CTPS2: variants seen among roughly 807,000 people sequenced by gnomAD.
The protein encoded by CTPS2 is CTP synthase 2, also known as CTP synthase II.
A neutral mutation model predicts 46.8 loss-of-function variants in CTPS2; 19 were observed. The ratio of observed to expected loss-of-function variants is 0.41; its 90% CI spans 0.28 to 0.60. CTPS2 has a LOEUF of 0.60. Ranked by LOEUF, CTPS2 falls within the 20% of genes least tolerant of loss-of-function variation. CTPS2 has a pLI of 0.35. For missense variants in CTPS2, 286 were observed against 447.6 expected, an observed-to-expected ratio of 0.64 and a Z score of 3.26; for synonymous variants, 151 against 165.2, an observed-to-expected ratio of 0.91 and a Z score of 0.66.
intron 13 of CTPS2, among the ~76,000 whole-genome samples, chrX:16,648,180 G>GA (rs753350052): frequency 8.9e-6 from 1 of 112,127 alleles, no homozygotes; most frequent in East Asian, 2.8e-4. Flanking sequence ...TAATTTGAGA[G>GA]AAAAGATGAT....
chrX:16,698,105 G>C, intron 4 of CTPS2, 131 bp downstream of exon 4: 1 of 495,807 alleles, frequency 2.0e-6, no homozygotes, highest in South Asian at 3.0e-5. Flanking sequence ...GTTGTTTCTT[G>C]CTGTGACCCC....
chrX:16,609,317 A>G (rs935425573), intron 17 of CTPS2, among the ~76,000 whole-genome samples: 2 of 112,150 alleles, frequency 1.8e-5, no homozygotes, highest in African/African-American at 6.5e-5. Flanking sequence ...AATGAAAAAA[A>G]TTTCTAAAAT....
At chrX:16,595,671 C>T (rs1325837920) in intron 17 of CTPS2, among the ~76,000 whole-genome samples, 2 of 111,762 alleles carry the variant, frequency 1.8e-5, no homozygotes, top group Admixed American at 9.5e-5. Flanking sequence ...TTTAAAATTC[C>T]ATTCCTCATT....
At chrX:16,597,221 G>A in intron 17 of CTPS2, among the ~76,000 whole-genome samples, 1 of 111,693 alleles carries the variant, frequency 9.0e-6, no homozygotes, top group Admixed American at 9.5e-5. Flanking sequence ...GTCAATTTTG[G>A]CTTTTGTTGC....
At chrX:16,668,651 TGGAA>T (rs201215209) in intron 11 of CTPS2, among the ~76,000 whole-genome samples, 997 of 66,788 alleles carry the variant, frequency 0.015, 13 homozygotes, top group African/African-American at 0.035. Flanking sequence ...GAAGGAAGGA[TGGAA>T]GGAAGGAAGG....
chrX:16,681,742 T>C (rs1220945263), intron 9 of CTPS2, among the ~76,000 whole-genome samples: 1 of 110,017 alleles, frequency 9.1e-6, no homozygotes, highest in African/African-American at 3.3e-5. Context: ...AGAGATGAGG[T>C]CTCCCATTGT....
At chrX:16,609,735 T>A in intron 16 of CTPS2, 50 bp from the exon 17 acceptor site, 1 of 1,114,447 alleles carries the variant, frequency 9.0e-7, no homozygotes, top group Non-Finnish European at 1.2e-6. Context: ...ACAGGAGAAC[T>A]GCTTTAAAGA....
chrX:16,601,649 AGCTGGAG>A (rs1200869050), intron 17 of CTPS2, among the ~76,000 whole-genome samples: 1 of 110,045 alleles, frequency 9.1e-6, no homozygotes, highest in Non-Finnish European at 1.9e-5. Context: ...GGAGGAAGCA[AGCTGGAG>A]GCAGAGAAAC....
Position 16,651,014 on chromosome X carries a change from C to T in CTPS2, c.1297-11771G>A, listed in dbSNP as rs369636673. 2.5e-5 allele frequency: 30 copies of T among 1,204,752 alleles called. 1 individual carries two copies. Among genetic ancestry groups the T allele is most frequent in the African/African-American group, 2.3e-4 (13 of 57,477 alleles). On this transcript the variant is annotated intron_variant, in intron 13 of 18. Transcript: ENST00000359276. ...AATTTATAAGACACCAGAATGAGTACTAAAAAGTCTCCTGAGGAACTGAAG... is the reference window on the plus strand; with the variant it reads ...AATTTATAAGACACCAGAATGAGTATTAAAAAGTCTCCTGAGGAACTGAAG...
chrX:16,689,415 TATTAAAG>T (rs757249586), intron 8 of CTPS2, 28 bp downstream of exon 8: 3 of 1,189,876 alleles, frequency 2.5e-6, no homozygotes, highest in Non-Finnish European at 3.4e-6. Context: ...ACTCAAAAAT[TATTAAAG>T]ATTATACAAG....
intron 3 of CTPS2, 100 bp downstream of exon 3, chrX:16,698,823 T>G (rs936558894): frequency 1.2e-6 from 1 of 803,914 alleles, no homozygotes; most frequent in African/African-American, 2.1e-5. Flanking sequence ...AGTGCTGGGA[T>G]TACAGGCCTG....
chrX:16,668,261 A>G (rs918744954), intron 11 of CTPS2, among the ~76,000 whole-genome samples: 5 of 107,474 alleles, frequency 4.7e-5, no homozygotes, highest in Non-Finnish European at 9.6e-5. Flanking sequence ...GAAGGAAAGA[A>G]AGAGAAGAAA....
intron 9 of CTPS2, among the ~76,000 whole-genome samples, chrX:16,682,426 G>A (rs147789892): frequency 2.2e-3 from 247 of 112,046 alleles, no homozygotes; most frequent in African/African-American, 7.4e-3. Flanking sequence ...CAGAGGTTGC[G>A]GTGGGCCGAG....
At chrX:16,598,336 G>T (rs775807818) in intron 17 of CTPS2, among the ~76,000 whole-genome samples, 2 of 111,207 alleles carry the variant, frequency 1.8e-5, no homozygotes, top group African/African-American at 3.3e-5. Context: ...AAAAAAGAGA[G>T]AAGAATCAAA....
intron 13 of CTPS2, among the ~76,000 whole-genome samples, chrX:16,661,438 T>A (rs911158250): frequency 3.6e-5 from 4 of 112,259 alleles, no homozygotes; most frequent in African/African-American, 9.7e-5. Flanking sequence ...AAGTGGGCCA[T>A]CTGGTTTGTT....
At chrX:16,611,051 G>A (rs905697514) in intron 16 of CTPS2, among the ~76,000 whole-genome samples, 1 of 112,018 alleles carries the variant, frequency 8.9e-6, no homozygotes, top group Non-Finnish European at 1.9e-5. Context: ...AGGAAGGAAA[G>A]GGGAGTGCAA....
chrX:16,664,043 A>C lies in CTPS2; in HGVS notation c.1296+3471T>G, dbSNP rs140600978. Among the ~76,000 whole-genome samples, 9 of 111,350 alleles carry C rather than the reference A, an allele frequency of 8.1e-5. No individual in the cohort carries two copies. The Admixed American group carries it at 8.6e-4, about 11-fold the overall frequency. On this transcript the variant is annotated intron_variant, in intron 13 of 18. Transcript: ENST00000359276. The stretch of plus-strand genomic sequence containing the variant: ...AGTAGAGACAAAGTTTCACCATGTT[A>C]GCCAGGATGGTCTTGATCTCCTGAC...
rs1489201435 is a variant in CTPS2, at chrX:16,620,344, C to T, written c.1394-12G>A. 2.6e-6 allele frequency: 3 copies of T among 1,166,339 alleles called. No homozygotes were observed. The highest frequency in any genetic ancestry group is 3.0e-5 in the East Asian group (1 of 33,615). ...ACCATAAAGTTTCCCTGTAAAGATA[C>T]AAGAGCGAGATTAATATTAGAGTAA... On this transcript the variant is annotated splice_polypyrimidine_tract_variant and intron_variant, in intron 14 of 18. Transcript: ENST00000359276.
intron 17 of CTPS2, among the ~76,000 whole-genome samples, chrX:16,603,456 T>TAAATAAAA (rs1427576386): frequency 6.5e-5 from 7 of 108,202 alleles, no homozygotes; most frequent in African/African-American, 1.7e-4. Flanking sequence ...AATAAATAAA[T>TAAATAAAA]AAAACCAAAA....
Sources: allele counts gnomAD v4.1 joint callset (sites outside exome capture counted in the v4.1 genomes callset), GRCh38; gene constraint gnomAD v4.1.1; transcripts MANE v1.5; gene names NCBI Gene and HGNC (gene_info 2026-07-23, HGNC 2026-07-21).